Variants in CREBBP observed in about 807,000 individuals in gnomAD.
CREBBP encodes CREB-binding protein.
In CREBBP, 19 loss-of-function variants were observed where a neutral mutation model predicts 265.0. The ratio of observed to expected loss-of-function variants is 0.07; its 90% CI spans 0.05 to 0.11. CREBBP has a LOEUF of 0.11. CREBBP is among the 10% of genes least tolerant of loss of function. CREBBP has a pLI of 1.00. For missense variants in CREBBP, 2,525 were observed against 3,219.0 expected (o/e 0.78, Z 5.22); for synonymous variants, 1,457 against 1,223.7 (o/e 1.19, Z -3.98).
At chr16:3,838,784 A>C (rs1223760031) in intron 2 of CREBBP, among the ~76,000 whole-genome samples, 1 of 152,130 alleles carries the variant, frequency 6.6e-6, no homozygotes, top group Non-Finnish European at 1.5e-5. Flanking sequence ...CCTGGCCTAA[A>C]GCAATCCTCC....
intron 3 of CREBBP, 27 bp downstream of exon 3, chr16:3,810,576 T>C (rs2053918575): frequency 1.9e-6 from 3 of 1,612,608 alleles, no homozygotes; most frequent in East Asian, 2.2e-5. Flanking sequence ...CGGAGAGCCA[T>C]AACACTGAGG....
chr16:3,772,328 A>AACACACACACACACAC (rs34060381), intron 13 of CREBBP, among the ~76,000 whole-genome samples: 2 of 145,258 alleles, frequency 1.4e-5, no homozygotes, highest in African/African-American at 5.1e-5. Context: ...CTGAAACACA[A>AACACACACACACACAC]ACACACACAC....
chr16:3,848,578 GA>G (rs1300930352), intron 2 of CREBBP, among the ~76,000 whole-genome samples: 3 of 152,140 alleles, frequency 2.0e-5, no homozygotes, highest in Non-Finnish European at 4.4e-5. Context: ...ACATGTTAAA[GA>G]AATCTCTTTG....
At chr16:3,857,389 C>T (rs527356365) in intron 1 of CREBBP, among the ~76,000 whole-genome samples, 36 of 152,272 alleles carry the variant, frequency 2.4e-4, no homozygotes, top group African/African-American at 8.7e-4. Flanking sequence ...TTTTAAAAGG[C>T]AAGATAGGGC....
At chr16:3,839,210 A>G (rs1433358370) in intron 2 of CREBBP, among the ~76,000 whole-genome samples, 1 of 152,198 alleles carries the variant, frequency 6.6e-6, no homozygotes. Context: ...ATGTGAACTG[A>G]GTCAGCTTAT....
intron 5 of CREBBP, among the ~76,000 whole-genome samples, chr16:3,789,836 T>C (rs901296674): frequency 6.6e-6 from 1 of 151,944 alleles, no homozygotes; most frequent in Non-Finnish European, 1.5e-5. Flanking sequence ...TGAGAGAGCA[T>C]GCACAGAATC....
intron 19 of CREBBP, 171 bp from the exon 20 acceptor site, chr16:3,751,977 A>G: frequency 1.4e-6 from 1 of 691,734 alleles, no homozygotes; most frequent in Admixed American, 2.1e-5. Flanking sequence ...CAGGTGGGGA[A>G]AGGCAGGATT....
chr16:3,854,648 T>C (rs1003515211), intron 1 of CREBBP, among the ~76,000 whole-genome samples: 1 of 152,228 alleles, frequency 6.6e-6, no homozygotes, highest in Non-Finnish European at 1.5e-5. Flanking sequence ...CCCCCTACTT[T>C]CCAGCCACAA....
chr16:3,795,822 C>T (rs574584963), intron 3 of CREBBP, among the ~76,000 whole-genome samples: 16 of 152,162 alleles, frequency 1.1e-4, no homozygotes, highest in African/African-American at 3.4e-4. Flanking sequence ...CTTTCTTTTA[C>T]GTTTATGAAA....
intron 21 of CREBBP, 63 bp downstream of exon 21, chr16:3,749,564 A>C: frequency 9.0e-7 from 1 of 1,111,780 alleles, no homozygotes; most frequent in South Asian, 1.3e-5. Flanking sequence ...CCACTCCATA[A>C]GGAGTAACTT....
chr16:3,777,064 CG>C lies in CREBBP; in HGVS notation c.2158+548del, dbSNP rs561204558. Reference sequence around the variant, plus strand: ...ATAAAGTAAAATAAAAAGCTAAGGCCGGGTGCAGTGGCTCACTCCTGTAATC... The same window carrying C: ...ATAAAGTAAAATAAAAAGCTAAGGCCGGTGCAGTGGCTCACTCCTGTAATC... On this transcript the variant is annotated intron_variant, in intron 11 of 30. Coordinates refer to ENST00000262367, the MANE Select transcript of CREBBP (RefSeq NM_004380.3). Among the ~76,000 whole-genome samples, 17 of 151,552 alleles carry C rather than the reference CG, an allele frequency of 1.1e-4. No individual in the cohort carries two copies. In the East Asian group the frequency reaches 3.3e-3, roughly 29 times the overall value.
chr16:3,783,558 C>T (rs532460098), intron 5 of CREBBP, among the ~76,000 whole-genome samples: 50 of 152,350 alleles, frequency 3.3e-4, no homozygotes, highest in African/African-American at 1.1e-3. Flanking sequence ...CTGAGCTCTC[C>T]GGCTACATGA....
intron 19 of CREBBP, 113 bp downstream of exon 19, chr16:3,757,175 G>C: frequency 1.1e-6 from 1 of 945,498 alleles, no homozygotes; most frequent in East Asian, 2.6e-5. Flanking sequence ...CACCCGGCCT[G>C]AAATTGGGCC....
chr16:3,738,371 G>C (rs945406887), intron 26 of CREBBP, among the ~76,000 whole-genome samples, 188 bp downstream of exon 26: 5 of 148,186 alleles, frequency 3.4e-5, no homozygotes, highest in Admixed American at 2.7e-4. Flanking sequence ...AGCTTGCTAC[G>C]TGCCCAGGAG....
At chr16:3,839,595 T>C (rs2054524197) in intron 2 of CREBBP, among the ~76,000 whole-genome samples, 1 of 149,016 alleles carries the variant, frequency 6.7e-6, no homozygotes, top group South Asian at 2.2e-4. Flanking sequence ...GGCAGGAAAA[T>C]TGCTGGAACC....
intron 5 of CREBBP, among the ~76,000 whole-genome samples, chr16:3,787,696 G>C (rs890525613): frequency 6.6e-6 from 1 of 151,282 alleles, no homozygotes; most frequent in African/African-American, 2.4e-5. Flanking sequence ...GTCTTGCTCT[G>C]TCGCCCAGGC....
chr16:3,735,329 C>T (rs2052025988), intron 28 of CREBBP, among the ~76,000 whole-genome samples: 1 of 152,132 alleles, frequency 6.6e-6, no homozygotes, highest in Admixed American at 6.5e-5. Context: ...CGGAGTCTCG[C>T]ACTGTCTCCT....
chr16:3,834,836 A>G (rs2054411626), intron 2 of CREBBP, among the ~76,000 whole-genome samples: 1 of 152,128 alleles, frequency 6.6e-6, no homozygotes, highest in African/African-American at 2.4e-5. Context: ...TGAAGCTCAA[A>G]CTACTCTAAA....
At chr16:3,821,125 T>C (rs1186579062) in intron 2 of CREBBP, among the ~76,000 whole-genome samples, 1 of 152,252 alleles carries the variant, frequency 6.6e-6, no homozygotes, top group Admixed American at 6.5e-5. Context: ...GTCCCTCAGT[T>C]TTCCTTATCT....
Sources: gnomAD v4.1 joint callset for allele counts (sites outside exome capture counted in the v4.1 genomes callset) on GRCh38, gnomAD v4.1.1 for gene constraint, MANE v1.5 for transcripts, NCBI Gene and HGNC (gene_info 2026-07-23, HGNC 2026-07-21) for gene names.